The following DNAH6 variants were observed in gnomAD, a reference collection of about 807,000 sequenced individuals.
DNAH6 encodes the protein axonemal beta dynein heavy chain 6.
DNAH6 carries 340 observed loss-of-function variants against 491.4 expected under a neutral mutation model. The ratio of observed to expected loss-of-function variants is 0.69; its 90% CI spans 0.63 to 0.76. The LOEUF (loss-of-function observed/expected upper bound fraction) is 0.76, where lower values mean the gene tolerates loss of function less well. Among genes scored for constraint, DNAH6 ranks in the 30% least tolerant of loss-of-function variants. The pLI is 0.00. For synonymous variants in DNAH6, 1,603 were observed against 1,686.1 expected, an observed-to-expected ratio of 0.95 and a Z score of 1.21; for missense variants, 4,443 against 4,972.2, an observed-to-expected ratio of 0.89 and a Z score of 3.20.
rs1050459139 is a variant in DNAH6 at position 84,625,059 on chromosome 2, A to G, written c.4511A>G (p.Tyr1504Cys). Residue 1504 changes from tyrosine to cysteine, a missense_variant, in exon 29 of 77, where the codon TAC becomes TGC. Around this residue, in one of 3 missense-constraint regions of DNAH6, gnomAD observed 2,977 missense variants for 3,296.6 expected, o/e 0.90. Transcript: ENST00000389394. ...TTTAACTGTTCAGATGGTTTGGACT[A>G]CAAGGTACAGTTCTTGCATCTGAAT... Reference protein sequence around the residue: ...VVFNCSDGLDYKMMGRFFSGL... With the variant: ...VVFNCSDGLDCKMMGRFFSGL... The G allele has an allele frequency of 3.3e-6, 5 of 1,537,928 alleles. No homozygotes were observed. Among genetic ancestry groups the G allele is most frequent in the Admixed American group, 2.1e-5 (1 of 48,296 alleles).
intron 2 of DNAH6, among the ~76,000 whole-genome samples, chr2:84,518,635 C>T (rs1675826850): frequency 6.6e-6 from 1 of 152,182 alleles, no homozygotes; most frequent in Admixed American, 6.5e-5. Context: ...GTATCACTAA[C>T]CGTTGATGAT....
At chr2:84,613,459 T>C (rs1409931185) in intron 22 of DNAH6, among the ~76,000 whole-genome samples, 5 of 152,086 alleles carry the variant, frequency 3.3e-5, no homozygotes, top group Non-Finnish European at 7.4e-5. Flanking sequence ...TTGGAAACCA[T>C]GATCAAGACT....
intron 23 of DNAH6, 25 bp downstream of exon 23, chr2:84,617,007 T>C: frequency 7.8e-7 from 1 of 1,284,904 alleles, no homozygotes; most frequent in Non-Finnish European, 1.1e-6. Flanking sequence ...CAACCTAAGA[T>C]ATTTTTTAGT....
At chr2:84,716,161 G>GTA (rs747730576) in intron 58 of DNAH6, among the ~76,000 whole-genome samples, 158 of 147,636 alleles carry the variant, frequency 1.1e-3, no homozygotes, top group African/African-American at 1.7e-3. Flanking sequence ...ATATATATGG[G>GTA]TATATATATA....
intron 71 of DNAH6, among the ~76,000 whole-genome samples, chr2:84,806,732 G>A (rs1415711606): frequency 1.3e-5 from 2 of 151,536 alleles, no homozygotes; most frequent in Non-Finnish European, 1.5e-5. Flanking sequence ...ATGGTTGGAA[G>A]AGATGTCATT....
chr2:84,505,817 T>C, the DNAH6 span, among the ~76,000 whole-genome samples: 3 of 152,218 alleles, frequency 2.0e-5, no homozygotes, highest in African/African-American at 7.2e-5. Context: ...TGTTTGTTTT[T>C]TTGTCCTTGC....
At chr2:84,783,342 A>G (rs1428645562) in intron 65 of DNAH6, among the ~76,000 whole-genome samples, 3 of 152,174 alleles carry the variant, frequency 2.0e-5, no homozygotes. Context: ...CTAAAATTCT[A>G]TGATGTCTAT....
In DNAH6 at chr2:84,695,349, A is replaced by G. The variant is rs541000915; in HGVS notation, c.7524+869A>G. Among the ~76,000 whole-genome samples the G allele has an allele frequency of 2.8e-5, 4 of 141,188 alleles. No individual in the cohort carries two copies. The South Asian group carries it at 9.2e-4, about 33-fold the overall frequency. The allele number at this position is 141,188 out of a possible 152,430, so 92.6% of individuals were successfully genotyped here. On this transcript the variant is annotated intron_variant, in intron 46 of 76. Transcript: ENST00000389394. Reference sequence around the variant, plus strand: ...TGCAAGTTGATAATGGTAAAAAATCATAATATACAGAGTTGGCAGAGGTGT... The same window carrying G: ...TGCAAGTTGATAATGGTAAAAAATCGTAATATACAGAGTTGGCAGAGGTGT...
At chr2:84,630,915 C>G (rs1459304380) in intron 29 of DNAH6, among the ~76,000 whole-genome samples, 1 of 152,034 alleles carries the variant, frequency 6.6e-6, no homozygotes. Context: ...TGGCATATAC[C>G]TTCTTTCACC....
At chr2:84,519,642 C>T (rs1558656169) in intron 2 of DNAH6, among the ~76,000 whole-genome samples, 1 of 149,894 alleles carries the variant, frequency 6.7e-6, no homozygotes, top group Non-Finnish European at 1.5e-5. Context: ...CTTTCCCCTC[C>T]TCTTCCTTCT....
chr2:84,532,290 A>G (rs1443935372), intron 4 of DNAH6, among the ~76,000 whole-genome samples: 1 of 152,152 alleles, frequency 6.6e-6, no homozygotes, highest in Non-Finnish European at 1.5e-5. Context: ...AGTAATATGT[A>G]AGTTCTCATT....
chr2:84,561,430 A>G (rs1680662514), intron 11 of DNAH6, among the ~76,000 whole-genome samples: 1 of 152,230 alleles, frequency 6.6e-6, no homozygotes, highest in Non-Finnish European at 1.5e-5. Flanking sequence ...AAAACCATAA[A>G]AACCCTAGAA....
chr2:84,792,782 G>T (rs17025551), intron 68 of DNAH6, among the ~76,000 whole-genome samples: 9,562 of 152,186 alleles, frequency 0.063, 470 homozygotes, highest in African/African-American at 0.14. Context: ...AGGAAGAAGT[G>T]CAACAATTCA....
At chr2:84,810,327 A>C (rs1443670419) in intron 72 of DNAH6, among the ~76,000 whole-genome samples, 1 of 152,200 alleles carries the variant, frequency 6.6e-6, no homozygotes, top group Non-Finnish European at 1.5e-5. Flanking sequence ...TTCCGTGAAT[A>C]TTTGAATGTA....
chr2:84,771,949 G>A lies in DNAH6; in HGVS notation c.10703+9004G>A, dbSNP rs532603258. Among the ~76,000 whole-genome samples the A allele has an allele frequency of 1.1e-4, 17 of 152,190 alleles. 1 individual carries two copies. The South Asian group carries it at 3.5e-3, about 32-fold the overall frequency. On this transcript the variant is annotated intron_variant, in intron 64 of 76. Coordinates refer to ENST00000389394, the MANE Select transcript of DNAH6 (RefSeq NM_001370.2). ...TATATGTCACTAAGAATATACTTTT[G>A]GCTTATAATTTCTCTTTTCATTTTG...
chr2:84,734,241 G>A (rs1320324202), intron 62 of DNAH6, among the ~76,000 whole-genome samples: 1 of 150,924 alleles, frequency 6.6e-6, no homozygotes, highest in South Asian at 2.1e-4. Context: ...CGCCTCCCGG[G>A]TTCATTCTCT....
In DNAH6 at chr2:84,814,020, G is replaced by A. The variant is rs1279912142; in HGVS notation, c.12048G>A (p.Leu4016=). The stretch of plus-strand genomic sequence containing the variant: ...AATACAATTTGCCTATAGATGAGCT[G>A]AGTTTCAAATACAGCGTAATTCCCA... ...ARKYNLPIDE[L]SFKYSVIPTY... The change falls in exon 75 of 77, where the codon CTG becomes CTA. Residue 4016 remains leucine (L), a synonymous_variant. Transcript: ENST00000389394. 6.4e-7 allele frequency: 1 copy of A among 1,551,726 alleles called. No individual in the cohort carries two copies. Among genetic ancestry groups the A allele is most frequent in the East Asian group, 2.4e-5 (1 of 40,920 alleles).
At chr2:84,720,946 G>C (rs1220742490) in intron 59 of DNAH6, among the ~76,000 whole-genome samples, 1 of 152,092 alleles carries the variant, frequency 6.6e-6, no homozygotes, top group African/African-American at 2.4e-5. Flanking sequence ...ACTGATCCTT[G>C]GCTGTGTTTC....
intron 10 of DNAH6, among the ~76,000 whole-genome samples, chr2:84,553,505 C>T (rs537866351): frequency 4.7e-5 from 7 of 150,302 alleles, no homozygotes; most frequent in South Asian, 2.1e-4. Context: ...CTCTGTCACC[C>T]GGGCTGGAAT....
Sources: gnomAD v4.1 joint callset for allele counts (sites outside exome capture counted in the v4.1 genomes callset) on GRCh38, gnomAD v4.1.1 for gene constraint, gnomAD v4.1.1 regional missense constraint, MANE v1.5 for transcripts, NCBI Gene and HGNC (gene_info 2026-07-23, HGNC 2026-07-21) for gene names.